The following MINDY3 variants were observed in gnomAD, a reference collection of about 807,000 sequenced individuals.
MINDY3 encodes MINDY lysine 48 deubiquitinase 3.
In MINDY3, 38 loss-of-function variants were observed where a neutral mutation model predicts 69.2. The ratio of observed to expected loss-of-function variants is 0.55; its 90% CI spans 0.42 to 0.72. MINDY3 has a LOEUF of 0.72. Among genes scored for constraint, MINDY3 ranks in the 30% least tolerant of loss-of-function variants. The probability of loss-of-function intolerance (pLI) is 0.00; values close to 1 mark genes in which losing one functional copy is unlikely to be tolerated. For synonymous variants in MINDY3, 192 were observed against 180.1 expected (o/e 1.07, Z -0.53); for missense variants, 522 against 519.0 (o/e 1.01, Z -0.06).
chr10:15,781,161 T>C (rs530889248), intron 14 of MINDY3, among the ~76,000 whole-genome samples: 2 of 152,024 alleles, frequency 1.3e-5, no homozygotes, highest in African/African-American at 4.8e-5. Context: ...TCAAGAAAAT[T>C]TGGATGCTGT....
chr10:15,785,128 A>G (rs1304072178), intron 13 of MINDY3, among the ~76,000 whole-genome samples: 3 of 152,138 alleles, frequency 2.0e-5, no homozygotes, highest in Non-Finnish European at 4.4e-5. Flanking sequence ...TCACTGCTCT[A>G]AAGGTAACCA....
At chr10:15,807,499 C>T (rs1274926311) in intron 10 of MINDY3, among the ~76,000 whole-genome samples, 1 of 152,078 alleles carries the variant, frequency 6.6e-6, no homozygotes, top group East Asian at 1.9e-4. Context: ...GACTTAGTGG[C>T]GGTCATCTAT....
At chr10:15,859,908 C>T (rs1416403522) in intron 1 of MINDY3, among the ~76,000 whole-genome samples, 1 of 152,202 alleles carries the variant, frequency 6.6e-6, no homozygotes, top group African/African-American at 2.4e-5. Context: ...GCGCATCTTC[C>T]GTGTCACGCC....
chr10:15,848,292 A>G (rs185963740), intron 1 of MINDY3, among the ~76,000 whole-genome samples: 34 of 152,306 alleles, frequency 2.2e-4, no homozygotes, highest in Admixed American at 1.4e-3. Context: ...TTTAAATACC[A>G]TATCATTCTA....
chr10:15,825,812 G>C (rs1840048096), intron 8 of MINDY3, among the ~76,000 whole-genome samples: 1 of 151,970 alleles, frequency 6.6e-6, no homozygotes, highest in Non-Finnish European at 1.5e-5. Context: ...CTTTCAATTA[G>C]CTATGCATTT....
intron 10 of MINDY3, among the ~76,000 whole-genome samples, chr10:15,804,496 C>G (rs1187241686): frequency 6.6e-6 from 1 of 152,096 alleles, no homozygotes; most frequent in African/African-American, 2.4e-5. Context: ...AGCCTTTCAT[C>G]GTTATGAAGA....
chr10:15,826,004 A>C (rs572158567), intron 8 of MINDY3, among the ~76,000 whole-genome samples: 1 of 152,266 alleles, frequency 6.6e-6, no homozygotes, highest in South Asian at 2.1e-4. Flanking sequence ...TATGGACAAA[A>C]ATAATGTACA....
chr10:15,806,532 T>C (rs1375641588), intron 10 of MINDY3, among the ~76,000 whole-genome samples: 1 of 152,138 alleles, frequency 6.6e-6, no homozygotes, highest in Non-Finnish European at 1.5e-5. Context: ...TAAAATTTTA[T>C]CACAGCTGTG....
chr10:15,848,222 C>T (rs976392699), intron 1 of MINDY3, among the ~76,000 whole-genome samples: 1 of 152,206 alleles, frequency 6.6e-6, no homozygotes, highest in Non-Finnish European at 1.5e-5. Flanking sequence ...GACACTGAAT[C>T]TGACTTTTCA....
At chr10:15,792,991 G>T (rs1452382726) in intron 11 of MINDY3, among the ~76,000 whole-genome samples, 2 of 152,060 alleles carry the variant, frequency 1.3e-5, no homozygotes, top group East Asian at 3.9e-4. Flanking sequence ...AACTGAGGTA[G>T]GAACTCGTCC....
intron 13 of MINDY3, among the ~76,000 whole-genome samples, chr10:15,783,694 C>T (rs999489292): frequency 6.6e-6 from 1 of 152,038 alleles, no homozygotes; most frequent in African/African-American, 2.4e-5. Context: ...TCTTACATTC[C>T]CAACTAAAGC....
chr10:15,824,895 A>G (rs1588596913), intron 8 of MINDY3, among the ~76,000 whole-genome samples: 1 of 152,224 alleles, frequency 6.6e-6, no homozygotes, highest in Non-Finnish European at 1.5e-5. Context: ...ATTATTTTAA[A>G]AATGTATTAT....
At chr10:15,797,435 T>C (rs189201462) in intron 10 of MINDY3, among the ~76,000 whole-genome samples, 36 of 152,270 alleles carry the variant, frequency 2.4e-4, no homozygotes, top group Admixed American at 1.6e-3. Flanking sequence ...ATTATTTTGC[T>C]GATAATGTAT....
At chr10:15,852,973 A>G (rs1834409142) in intron 1 of MINDY3, among the ~76,000 whole-genome samples, 1 of 152,150 alleles carries the variant, frequency 6.6e-6, no homozygotes, top group Non-Finnish European at 1.5e-5. Context: ...TAAGTAATCT[A>G]GAGATTATTT....
At chr10:15,833,574 T>A in intron 8 of MINDY3, 56 bp downstream of exon 8, 1 of 1,088,902 alleles carries the variant, frequency 9.2e-7, no homozygotes, top group Non-Finnish European at 1.4e-6. Flanking sequence ...TAATCAGCTG[T>A]ATTCCAATGA....
At chr10:15,809,134 T>G (rs1838828985) in intron 10 of MINDY3, among the ~76,000 whole-genome samples, 1 of 152,078 alleles carries the variant, frequency 6.6e-6, no homozygotes, top group Non-Finnish European at 1.5e-5. Context: ...TAAATTATTC[T>G]TAAAACCCAA....
At chr10:15,853,698 T>C (rs138205833) in intron 1 of MINDY3, among the ~76,000 whole-genome samples, 107 of 152,116 alleles carry the variant, frequency 7.0e-4, no homozygotes, top group African/African-American at 2.5e-3. Flanking sequence ...AGGAAAAGTA[T>C]ATGTGTAATT....
At chr10:15,838,015 G>A (rs1052566680) in intron 5 of MINDY3, 42 of 978,926 alleles carry the variant, frequency 4.3e-5, no homozygotes, top group Non-Finnish European at 5.0e-5. Flanking sequence ...TTTGAAAAGC[G>A]TATCTGGGTA....
intron 10 of MINDY3, among the ~76,000 whole-genome samples, chr10:15,815,124 C>A (rs2131971563): frequency 6.6e-6 from 1 of 152,254 alleles, no homozygotes; most frequent in Non-Finnish European, 1.5e-5. Flanking sequence ...GTGTGTAAGT[C>A]AGAATTAATT....
Sources: allele counts gnomAD v4.1 joint callset (sites outside exome capture counted in the v4.1 genomes callset), GRCh38; gene constraint gnomAD v4.1.1; transcripts MANE v1.5; gene names NCBI Gene and HGNC (gene_info 2026-07-23, HGNC 2026-07-21).